The following SASH1 variants were observed in gnomAD, a reference collection of about 807,000 sequenced individuals.
SASH1 encodes SAM and SH3 domain containing 1, also known as SAM and SH3 domain-containing protein 1.
In SASH1, 44 loss-of-function variants were observed where a neutral mutation model predicts 125.2. That is an observed-to-expected ratio of 0.35 (90% CI 0.28 to 0.45). The LOEUF (loss-of-function observed/expected upper bound fraction) is 0.45, where lower values mean the gene tolerates loss of function less well. Among genes scored for constraint, SASH1 ranks in the 20% least tolerant of loss-of-function variants. SASH1 has a pLI of 1.00. For missense variants in SASH1, 1,426 were observed against 1,614.5 expected (o/e 0.88, Z 2.00); for synonymous variants, 639 against 649.1 (o/e 0.98, Z 0.24).
intron 11 of SASH1, among the ~76,000 whole-genome samples, chr6:148,526,046 C>CTTTTTTT (rs34023266): frequency 1.8e-5 from 1 of 54,132 alleles, no homozygotes; most frequent in Non-Finnish European, 3.3e-5. Context: ...GAAGGTGAGT[C>CTTTTTTT]TTTTTTTTTT....
the SASH1 span, among the ~76,000 whole-genome samples, chr6:148,200,657 G>A: frequency 2.0e-5 from 3 of 152,210 alleles, no homozygotes; most frequent in Non-Finnish European, 4.4e-5. Flanking sequence ...TCTTTACTGA[G>A]TGAATTTGAA....
intron 2 of SASH1, among the ~76,000 whole-genome samples, chr6:148,396,225 T>A (rs1035383221): frequency 1.3e-5 from 2 of 152,092 alleles, no homozygotes; most frequent in Non-Finnish European, 2.9e-5. Context: ...ACACCTGTAA[T>A]CCCAGCACTT....
chr6:148,218,962 T>C, the SASH1 span, among the ~76,000 whole-genome samples: 1 of 152,220 alleles, frequency 6.6e-6, no homozygotes, highest in African/African-American at 2.4e-5. Context: ...TGAAATTGCA[T>C]GTTCATGCTC....
intron 1 of SASH1, among the ~76,000 whole-genome samples, chr6:148,383,137 C>A (rs1010126067): frequency 6.6e-6 from 1 of 152,056 alleles, no homozygotes; most frequent in African/African-American, 2.4e-5. Flanking sequence ...TCAATGAGGC[C>A]GAACAAGAAA....
intron 8 of SASH1, among the ~76,000 whole-genome samples, chr6:148,510,780 G>T (rs1288197380): frequency 6.6e-6 from 1 of 151,984 alleles, no homozygotes; most frequent in Admixed American, 6.6e-5. Context: ...CAGATTACCT[G>T]AGAGTCAGGA....
At chr6:148,527,650 G>A in intron 12 of SASH1, 54 bp downstream of exon 12, 1 of 1,540,062 alleles carries the variant, frequency 6.5e-7, no homozygotes. Flanking sequence ...AAGAAAAGCT[G>A]AGAATGGCCC....
Position 148,544,539 on chromosome 6 carries a change from G to A in SASH1, c.3069G>A (p.Arg1023=). ...ATGCGCCATGCCTGCCAGTGAAAAG[G>A]GGCAGCCCCGCCAGCCCCACCAGCC... ...SPDAPCLPVK[R]GSPASPTSPS... Residue 1023 remains arginine, a synonymous_variant, in exon 18 of 20, where the codon AGG becomes AGA. Transcript: ENST00000367467. This position sits in a 1 kb window ranked among gnomAD's most constrained non-coding sequence, Gnocchi z 6.4. The A allele has an allele frequency of 6.2e-7, 1 of 1,613,146 alleles. No homozygotes were observed. The highest frequency in any genetic ancestry group is 1.1e-5 in the South Asian group (1 of 91,074).
chr6:148,297,238 G>T (rs898985936), intron 1 of SASH1, among the ~76,000 whole-genome samples: 1 of 152,180 alleles, frequency 6.6e-6, no homozygotes, highest in Admixed American at 6.5e-5. Flanking sequence ...GGAGAGGGTC[G>T]CACCAGGGCC....
chr6:148,277,192 G>A (rs910977039), intron 1 of SASH1, among the ~76,000 whole-genome samples: 6 of 152,160 alleles, frequency 3.9e-5, no homozygotes, highest in South Asian at 2.1e-4. Flanking sequence ...CAACCATCAC[G>A]CAGAAATGCA....
chr6:148,253,600 C>T, the SASH1 span, among the ~76,000 whole-genome samples: 23 of 152,100 alleles, frequency 1.5e-4, no homozygotes, highest in African/African-American at 4.6e-4. Context: ...TGGCCGGGTG[C>T]GGTGGCTGAT....
At chr6:148,361,908 C>CT (rs1782226959) in intron 1 of SASH1, among the ~76,000 whole-genome samples, 1 of 135,008 alleles carries the variant, frequency 7.4e-6, no homozygotes, top group African/African-American at 2.9e-5. Context: ...TTTTCTTTTT[C>CT]TTTTTCTTTT....
chr6:148,408,415 A>T (rs570899982), intron 2 of SASH1, among the ~76,000 whole-genome samples: 1 of 151,982 alleles, frequency 6.6e-6, no homozygotes, highest in Admixed American at 6.6e-5. Context: ...GCATCTTTTC[A>T]TATACTTATT....
intron 2 of SASH1, among the ~76,000 whole-genome samples, chr6:148,432,566 G>A (rs535159042): frequency 1.2e-4 from 18 of 152,212 alleles, no homozygotes; most frequent in Non-Finnish European, 1.9e-4. Flanking sequence ...ATCGCCTCTG[G>A]CTTTTTCCAC....
intron 4 of SASH1, among the ~76,000 whole-genome samples, chr6:148,450,690 TC>T (rs1353384805): frequency 5.7e-5 from 6 of 104,984 alleles, no homozygotes; most frequent in Non-Finnish European, 4.4e-5. Context: ...TTATATGTTA[TC>T]TTTTTTTTTT....
At chr6:148,380,151 C>T (rs1476653752) in intron 1 of SASH1, among the ~76,000 whole-genome samples, 1 of 152,178 alleles carries the variant, frequency 6.6e-6, no homozygotes, top group Admixed American at 6.5e-5. Flanking sequence ...TGGACTCCTG[C>T]GTCTCACTTA....
upstream of SASH1, among the ~76,000 whole-genome samples, chr6:148,269,552 A>G (rs948770111): frequency 6.6e-6 from 1 of 152,006 alleles, no homozygotes; most frequent in Admixed American, 6.6e-5. Context: ...ACCCCCAACT[A>G]GTTTGTTTAG....
chr6:148,347,680 T>G (rs1781565780), intron 1 of SASH1, among the ~76,000 whole-genome samples: 1 of 152,202 alleles, frequency 6.6e-6, no homozygotes, highest in Non-Finnish European at 1.5e-5. Context: ...GCTAATGACT[T>G]AATTAATTTT....
At chr6:148,391,651 G>A (rs1783735427) in intron 2 of SASH1, among the ~76,000 whole-genome samples, 1 of 152,088 alleles carries the variant, frequency 6.6e-6, no homozygotes, top group Non-Finnish European at 1.5e-5. Flanking sequence ...ATTTGGACTT[G>A]TATGTGATAA....
intron 1 of SASH1, among the ~76,000 whole-genome samples, chr6:148,364,533 A>G (rs1218607830): frequency 6.6e-6 from 1 of 152,226 alleles, no homozygotes; most frequent in African/African-American, 2.4e-5. Context: ...TTGAAACGTG[A>G]AAGTTGCCTG....
Sources: allele counts gnomAD v4.1 joint callset (sites outside exome capture counted in the v4.1 genomes callset), GRCh38; gene constraint gnomAD v4.1.1; non-coding constraint Gnocchi (gnomAD v3.1); transcripts MANE v1.5; gene names NCBI Gene and HGNC (gene_info 2026-07-23, HGNC 2026-07-21).